TEX26: variants seen among roughly 807,000 people sequenced by gnomAD.
TEX26 encodes the protein testis expressed 26, also known as testis-expressed protein 26.
In TEX26, 34 loss-of-function variants were observed where a neutral mutation model predicts 35.3. That is an observed-to-expected ratio of 0.96 (90% CI 0.73 to 1.28). The LOEUF (loss-of-function observed/expected upper bound fraction) is 1.28, where lower values mean the gene tolerates loss of function less well. Ranked by LOEUF, TEX26 falls within the 50% of genes most tolerant of loss-of-function variation. The probability of loss-of-function intolerance (pLI) is 0.00; values close to 1 mark genes in which losing one functional copy is unlikely to be tolerated. For missense variants in TEX26, 371 were observed against 330.1 expected, an observed-to-expected ratio of 1.12 and a Z score of -0.96; for synonymous variants, 136 against 111.8, an observed-to-expected ratio of 1.22 and a Z score of -1.36.
At chr13:30,971,408 A>T (rs1301428785) in intron 6 of TEX26, among the ~76,000 whole-genome samples, 1 of 152,196 alleles carries the variant, frequency 6.6e-6, no homozygotes, top group East Asian at 1.9e-4. Context: ...AGCCTAGAAC[A>T]GGTACATTTT....
At chr13:30,970,486 C>T (rs1954677550) in intron 6 of TEX26, among the ~76,000 whole-genome samples, 1 of 152,198 alleles carries the variant, frequency 6.6e-6, no homozygotes, top group African/African-American at 2.4e-5. Context: ...TCCCAGAGTT[C>T]CCAGCCAAAG....
Position 30,945,274 on chromosome 13 carries a change from G to T in TEX26, c.146+5496G>T, listed in dbSNP as rs181896229. 7.9e-5 allele frequency among the ~76,000 whole-genome samples: 12 copies of T among 151,664 alleles called. No homozygotes were observed. In the East Asian group the frequency reaches 2.3e-3, roughly 29 times the overall value. On this transcript the variant is annotated intron_variant, in intron 2 of 6. Transcript: ENST00000380473. ...GATATAAGAATAGCTACTCCAGCTC[G>T]CTTTAGGTTTCCATTTGCATGCAAT...
At chr13:30,951,431 A>G (rs907859923) in intron 2 of TEX26, among the ~76,000 whole-genome samples, 1 of 152,088 alleles carries the variant, frequency 6.6e-6, no homozygotes, top group Non-Finnish European at 1.5e-5. Context: ...GAATGGCAAT[A>G]GAATGATCAT....
Position 30,974,877 on chromosome 13 carries a change from T to A in TEX26, c.840T>A (p.Thr280=). 1 of 1,567,000 alleles carries A rather than the reference T, an allele frequency of 6.4e-7. No individual in the cohort carries two copies. Reference sequence around the variant, plus strand: ...AAATTATTGATCGCTTTATTCGTACTCACTGTGACACTAACAAAAAGAAGA... The same window carrying A: ...AAATTATTGATCGCTTTATTCGTACACACTGTGACACTAACAAAAAGAAGA... ...DRQIIDRFIR[T]HCDTNKKKK Residue 280 remains threonine (T), a synonymous_variant, in exon 7 of 7, where the codon ACT becomes ACA. Coordinates refer to ENST00000380473, the MANE Select transcript of TEX26 (RefSeq NM_152325.3).
At chr13:30,961,263 CT>C (rs1421852478) in intron 4 of TEX26, among the ~76,000 whole-genome samples, 2 of 152,270 alleles carry the variant, frequency 1.3e-5, no homozygotes, top group East Asian at 3.9e-4. Flanking sequence ...AGAGAATAAA[CT>C]TCTAGTTAGG....
rs540917730 is a variant in TEX26 at position 30,949,126 on chromosome 13, G to C, written c.147-3534G>C. 3.3e-5 allele frequency among the ~76,000 whole-genome samples: 5 copies of C among 152,078 alleles called. No homozygotes were observed. In the East Asian group the frequency reaches 5.8e-4, roughly 18 times the overall value. ...TCTCTGTTTTGGTACCAGTACCATGGTGTTTTGGTTACTGTAGCCTTGTAG... is the reference window on the plus strand; with the variant it reads ...TCTCTGTTTTGGTACCAGTACCATGCTGTTTTGGTTACTGTAGCCTTGTAG... On this transcript the variant is annotated intron_variant, in intron 2 of 6. Transcript: ENST00000380473.
At chr13:30,972,811 A>G (rs997024554) in intron 6 of TEX26, among the ~76,000 whole-genome samples, 7 of 152,096 alleles carry the variant, frequency 4.6e-5, no homozygotes, top group Non-Finnish European at 1.0e-4. Flanking sequence ...ATTTTTTTGT[A>G]TTTTTAGTAG....
chr13:30,962,835 T>G lies in TEX26; in HGVS notation c.470-3387T>G, dbSNP rs557079055. On this transcript the variant is annotated intron_variant, in intron 4 of 6. Coordinates refer to ENST00000380473, the MANE Select transcript of TEX26 (RefSeq NM_152325.3). ...GTTTTTTGTTTTTGTTTTTGTTTTT[T>G]TTTTTGAGACGGAGTCTCACTCTGT... Among the ~76,000 whole-genome samples, 381 of 152,022 alleles carry G rather than the reference T, an allele frequency of 2.5e-3. 3 individuals carry two copies. Among genetic ancestry groups the G allele is most frequent in the Non-Finnish European group, 3.4e-3 (234 of 67,976 alleles).
chr13:30,971,023 G>A (rs964872952), intron 6 of TEX26, among the ~76,000 whole-genome samples: 2 of 152,250 alleles, frequency 1.3e-5, no homozygotes, highest in Admixed American at 6.5e-5. Flanking sequence ...GGTGCCTGAA[G>A]GCTCATGCCC....
At chr13:30,945,176 A>G (rs1409584305) in intron 2 of TEX26, among the ~76,000 whole-genome samples, 1 of 151,724 alleles carries the variant, frequency 6.6e-6, no homozygotes, top group Admixed American at 6.6e-5. Flanking sequence ...TGTTGGATTA[A>G]TCCTTTTATC....
At chr13:30,958,657 C>T (rs753758097) in intron 4 of TEX26, among the ~76,000 whole-genome samples, 1 of 152,192 alleles carries the variant, frequency 6.6e-6, no homozygotes. Context: ...TCCCTGTGAG[C>T]TGTGGATCTG....
intron 4 of TEX26, among the ~76,000 whole-genome samples, chr13:30,957,479 G>A (rs1482261700): frequency 6.6e-6 from 1 of 152,186 alleles, no homozygotes; most frequent in Non-Finnish European, 1.5e-5. Flanking sequence ...GCATACTAAA[G>A]AGTTTGGAGT....
chr13:30,954,151 G>T lies in TEX26; in HGVS notation c.312+1326G>T, dbSNP rs1456795975. On this transcript the variant is annotated intron_variant, in intron 3 of 6. Transcript: ENST00000380473. ...TCTGGAGCTCTTGGGGGAGAGATGA[G>T]CTGGACATATGGACTTGGAAGTCAT... 2.0e-5 allele frequency among the ~76,000 whole-genome samples: 3 copies of T among 151,920 alleles called. No homozygotes were observed. The East Asian group carries it at 5.8e-4, about 29-fold the overall frequency.
chr13:30,962,806 G>T (rs1048273830), intron 4 of TEX26, among the ~76,000 whole-genome samples: 1 of 147,526 alleles, frequency 6.8e-6, no homozygotes. Flanking sequence ...GGTCCTAATG[G>T]GTTGTTTTTT....
chr13:30,959,709 C>G (rs1227097014), intron 4 of TEX26, among the ~76,000 whole-genome samples: 1 of 151,864 alleles, frequency 6.6e-6, no homozygotes, highest in Non-Finnish European at 1.5e-5. Context: ...AAATTTTTTC[C>G]AAACACAATG....
In TEX26 at chr13:30,956,920, A is replaced by T; in HGVS notation, c.360A>T (p.Leu120=). Residue 120 remains leucine (L), a synonymous_variant, in exon 4 of 7, where the codon CTA becomes CTT. Transcript: ENST00000380473. ...CTCACTGTCAACAAACGGGGACACT[A>T]AAGAACTGCCTCCCTTGGAAAATCC... ...TLPHCQQTGT[L]KNCLPWKIPA... is the part of the protein sequence containing the mutation. The T allele has an allele frequency of 6.2e-7, 1 of 1,614,204 alleles. No individual in the cohort carries two copies. Among genetic ancestry groups the T allele is most frequent in the Non-Finnish European group, 8.5e-7 (1 of 1,179,998 alleles).
chr13:30,932,874 T>TATTA, intron 1 of TEX26, 98 bp downstream of exon 1: 3 of 1,367,630 alleles, frequency 2.2e-6, no homozygotes, highest in Non-Finnish European at 3.0e-6. Flanking sequence ...TTTAAGGGTG[T>TATTA]GGCATCGCTC....
chr13:30,943,336 A>C (rs1953583718), intron 2 of TEX26, among the ~76,000 whole-genome samples: 1 of 151,222 alleles, frequency 6.6e-6, no homozygotes, highest in African/African-American at 2.4e-5. Context: ...ATTTGTGTAC[A>C]TTGATTTTGT....
chr13:30,959,928 T>A (rs1954274138), intron 4 of TEX26, among the ~76,000 whole-genome samples: 1 of 152,126 alleles, frequency 6.6e-6, no homozygotes, highest in Non-Finnish European at 1.5e-5. Flanking sequence ...ATAAAAAAGA[T>A]CAGAAATTAA....
Sources: allele counts gnomAD v4.1 joint callset (sites outside exome capture counted in the v4.1 genomes callset), GRCh38; gene constraint gnomAD v4.1.1; transcripts MANE v1.5; gene names NCBI Gene and HGNC (gene_info 2026-07-23, HGNC 2026-07-21).